CCDC60: variants seen among roughly 807,000 people sequenced by gnomAD.
The protein encoded by CCDC60 is coiled-coil domain-containing protein 60.
In CCDC60, 54 loss-of-function variants were observed where a neutral mutation model predicts 63.5. The ratio of observed to expected loss-of-function variants is 0.85; its 90% CI spans 0.68 to 1.07. The LOEUF is 1.07. Among genes scored for constraint, CCDC60 ranks in the 50% least tolerant of loss-of-function variants. CCDC60 has a pLI of 0.00. For missense variants in CCDC60, 651 were observed against 684.3 expected (o/e 0.95, Z 0.54); for synonymous variants, 206 against 238.8 (o/e 0.86, Z 1.27).
intron 1 of CCDC60, among the ~76,000 whole-genome samples, chr12:119,418,311 C>T (rs1351972953): frequency 1.3e-5 from 2 of 149,150 alleles, no homozygotes; most frequent in East Asian, 4.1e-4. Context: ...TTCATAGTCA[C>T]AATACAGTTA....
intron 1 of CCDC60, among the ~76,000 whole-genome samples, chr12:119,358,723 C>A (rs1185389870): frequency 6.6e-6 from 1 of 152,142 alleles, no homozygotes; most frequent in African/African-American, 2.4e-5. Context: ...GGATTCATTT[C>A]ACAATGTTAT....
intron 10 of CCDC60, among the ~76,000 whole-genome samples, chr12:119,523,430 C>G (rs1336667615): frequency 1.3e-5 from 2 of 152,244 alleles, no homozygotes; most frequent in African/African-American, 4.8e-5. Flanking sequence ...TTAACATTTG[C>G]TGGGCTCCAG....
intron 1 of CCDC60, among the ~76,000 whole-genome samples, chr12:119,365,375 G>A (rs1955830789): frequency 6.6e-6 from 1 of 152,226 alleles, no homozygotes; most frequent in South Asian, 2.1e-4. Flanking sequence ...AAATCCTTTA[G>A]CATATTGTCT....
intron 2 of CCDC60, among the ~76,000 whole-genome samples, chr12:119,469,727 C>T (rs939185994): frequency 6.6e-6 from 1 of 152,180 alleles, no homozygotes; most frequent in African/African-American, 2.4e-5. Context: ...GCAACTGCCA[C>T]GTAGCTGGCA....
At chr12:119,534,200 C>T (rs541313015) in intron 13 of CCDC60, among the ~76,000 whole-genome samples, 2 of 152,016 alleles carry the variant, frequency 1.3e-5, no homozygotes, top group South Asian at 2.1e-4. Context: ...GGGAGTTCAC[C>T]CATGATTTGG....
At chr12:119,377,254 CAAAAAAAAA>C (rs60100165) in intron 1 of CCDC60, among the ~76,000 whole-genome samples, 4 of 47,446 alleles carry the variant, frequency 8.4e-5, no homozygotes, top group Non-Finnish European at 1.5e-4. Flanking sequence ...CACTCCATCT[CAAAAAAAAA>C]AAAAAAAAAA....
chr12:119,420,308 T>C lies in CCDC60; in HGVS notation c.91-8375T>C, dbSNP rs1341984502. Among the ~76,000 whole-genome samples the C allele has an allele frequency of 1.3e-5, 2 of 151,818 alleles. No individual in the cohort carries two copies. Among genetic ancestry groups the C allele is most frequent in the African/African-American group, 4.8e-5 (2 of 41,282 alleles). On this transcript the variant is annotated intron_variant, in intron 1 of 13. Coordinates refer to ENST00000327554, the MANE Select transcript of CCDC60 (RefSeq NM_178499.5). This position sits in a 1 kb window ranked among gnomAD's most constrained non-coding sequence, Gnocchi z 4.1. The stretch of plus-strand genomic sequence containing the variant: ...TCTTATGACAAAAAAAATACCTCAC[T>C]CTCCCCAAAAGGAACTGCCTATCAA...
rs1956785496 is a variant in CCDC60, at chr12:119,420,118, C to T, written c.91-8565C>T. Among the ~76,000 whole-genome samples, 1 of 151,956 alleles carries T rather than the reference C, an allele frequency of 6.6e-6. No individual in the cohort carries two copies. The highest frequency in any genetic ancestry group is 2.4e-5 in the African/African-American group (1 of 41,354). On this transcript the variant is annotated intron_variant, in intron 1 of 13. Transcript: ENST00000327554. This position sits in a 1 kb window ranked among gnomAD's most constrained non-coding sequence, Gnocchi z 4.1. ...GTCTCGAACTCCTGACCTCGTGATC[C>T]ACCCGCCTCGGCCTCCCAAAGTGCT...
In CCDC60 at chr12:119,413,831, A is replaced by G. The variant is rs113166060; in HGVS notation, c.91-14852A>G. ...CCTCAGAGAGCAGTCCCCACTCCAT[A>G]TGTGCCAGTGCGTAATGGGGATTTT... On this transcript the variant is annotated intron_variant, in intron 1 of 13. Coordinates refer to ENST00000327554, the MANE Select transcript of CCDC60 (RefSeq NM_178499.5). Among the ~76,000 whole-genome samples, 417 of 152,228 alleles carry G rather than the reference A, an allele frequency of 2.7e-3. 3 individuals are homozygous for G. Among genetic ancestry groups the G allele is most frequent in the African/African-American group, 9.5e-3 (394 of 41,560 alleles).
intron 2 of CCDC60, among the ~76,000 whole-genome samples, chr12:119,430,396 G>A (rs1313362793): frequency 6.6e-6 from 1 of 152,118 alleles, no homozygotes; most frequent in Non-Finnish European, 1.5e-5. Flanking sequence ...ACTGGGTGTG[G>A]TGGCTCAAGC....
chr12:119,338,045 C>T (rs1269323499), intron 1 of CCDC60, among the ~76,000 whole-genome samples: 1 of 152,024 alleles, frequency 6.6e-6, no homozygotes, highest in East Asian at 1.9e-4. Context: ...AGAAGGCTTC[C>T]AGGAAACTGT....
chr12:119,349,161 A>G (rs1378973611), intron 1 of CCDC60, among the ~76,000 whole-genome samples: 7 of 152,074 alleles, frequency 4.6e-5, no homozygotes, highest in Admixed American at 3.9e-4. Context: ...TTGACTTTTT[A>G]CTGGGGGTGG....
chr12:119,377,264 A>C (rs1369029702), intron 1 of CCDC60, among the ~76,000 whole-genome samples: 1 of 149,840 alleles, frequency 6.7e-6, no homozygotes, highest in Non-Finnish European at 1.5e-5. Flanking sequence ...CAAAAAAAAA[A>C]AAAAAAAAAA....
At chr12:119,372,297 T>C (rs1200921629) in intron 1 of CCDC60, among the ~76,000 whole-genome samples, 1 of 152,116 alleles carries the variant, frequency 6.6e-6, no homozygotes, top group Non-Finnish European at 1.5e-5. Context: ...AGCATGATCT[T>C]TAAGAGTTAG....
At chr12:119,507,459 T>C (rs1006194692) in intron 7 of CCDC60, among the ~76,000 whole-genome samples, 5 of 146,234 alleles carry the variant, frequency 3.4e-5, no homozygotes, top group Admixed American at 7.0e-5. Context: ...TATACATATA[T>C]ACACATACAT....
At chr12:119,358,540 A>G (rs987607782) in intron 1 of CCDC60, among the ~76,000 whole-genome samples, 2 of 152,188 alleles carry the variant, frequency 1.3e-5, no homozygotes, top group Admixed American at 1.3e-4. Flanking sequence ...ATAGCAGCAC[A>G]AAACAGACTA....
chr12:119,387,086 A>C lies in CCDC60; in HGVS notation c.91-41597A>C, dbSNP rs531891616. 3.4e-5 allele frequency among the ~76,000 whole-genome samples: 5 copies of C among 147,988 alleles called. No individual in the cohort carries two copies. The South Asian group carries it at 1.1e-3, about 32-fold the overall frequency. On this transcript the variant is annotated intron_variant, in intron 1 of 13. Coordinates refer to ENST00000327554, the MANE Select transcript of CCDC60 (RefSeq NM_178499.5). ...CACACACACACACACTCTCCAATTA[A>C]AATGTTTCAGCTCTTCCACTTTCCA...
Position 119,410,182 on chromosome 12 carries a change from A to AGTGT in CCDC60, c.91-18486_91-18483dup, listed in dbSNP as rs56384600. On this transcript the variant is annotated intron_variant, in intron 1 of 13. Coordinates refer to ENST00000327554, the MANE Select transcript of CCDC60 (RefSeq NM_178499.5). This position sits in a 1 kb window ranked among gnomAD's most constrained non-coding sequence, Gnocchi z 4.0. ...AAAGGTAGATGCTAGTGTTGGAAAGAGTGTGTGTGTGTGTGTGTCTGTGTG... is the reference window on the plus strand; with the variant it reads ...AAAGGTAGATGCTAGTGTTGGAAAGAGTGTGTGTGTGTGTGTGTGTGTCTGTGTG... 0.013 allele frequency among the ~76,000 whole-genome samples: 1,994 copies of AGTGT among 149,544 alleles called. 42 individuals carry two copies. Among genetic ancestry groups the AGTGT allele is most frequent in the African/African-American group, 0.039 (1,590 of 40,784 alleles).
In CCDC60 at chr12:119,439,182, C is replaced by T. The variant is rs567206482; in HGVS notation, c.170+10420C>T. Among the ~76,000 whole-genome samples, 5 of 142,732 alleles carry T rather than the reference C, an allele frequency of 3.5e-5. 1 individual carries two copies. The East Asian group carries it at 1.2e-3, about 34-fold the overall frequency. 93.6% of individuals were successfully genotyped at this position (142,732 alleles called of 152,430 possible). Reference sequence around the variant, plus strand: ...AAAAAAAAAAAAAAAAAAGAGTTAGCTCAGTCCCTGCATTGCCCTAGGAAA... The same window carrying T: ...AAAAAAAAAAAAAAAAAAGAGTTAGTTCAGTCCCTGCATTGCCCTAGGAAA... On this transcript the variant is annotated intron_variant, in intron 2 of 13. Coordinates refer to ENST00000327554, the MANE Select transcript of CCDC60 (RefSeq NM_178499.5).
Sources: allele counts gnomAD v4.1 joint callset (sites outside exome capture counted in the v4.1 genomes callset), GRCh38; gene constraint gnomAD v4.1.1; non-coding constraint Gnocchi (gnomAD v3.1); transcripts MANE v1.5; gene names NCBI Gene and HGNC (gene_info 2026-07-23, HGNC 2026-07-21).